Variants in CBFA2T3 observed in about 807,000 individuals in gnomAD.
CBFA2T3 encodes the protein CBFA2/RUNX1 partner transcriptional co-repressor 3, also known as transcriptional corepressor CBFA2T3.
A neutral mutation model predicts 58.6 loss-of-function variants in CBFA2T3; 31 were observed. The observed-to-expected ratio is 0.53, with a 90% confidence interval of 0.40 to 0.71. CBFA2T3 has a LOEUF of 0.71. CBFA2T3 is among the 30% of genes least tolerant of loss of function. The pLI is 0.00. For missense variants in CBFA2T3, 1,076 were observed against 963.1 expected (o/e 1.12, Z -1.55); for synonymous variants, 531 against 421.9 (o/e 1.26, Z -3.17).
At chr16:88,879,512 T>G in intron 10 of CBFA2T3, 52 bp from the exon 11 acceptor site, 1 of 1,542,398 alleles carries the variant, frequency 6.5e-7, no homozygotes, top group Non-Finnish European at 8.9e-7. Flanking sequence ...CCCAGATGGG[T>G]CTCTGGACTT....
Position 88,875,200 on chromosome 16 carries a change from C to A in CBFA2T3, c.*1776G>T, listed in dbSNP as rs149839258. ...CACCACGCACACAGATGCCAAGCCA[C>A]GGGCCACGCCACACGCACAGATGCC... On this transcript the variant is annotated 3_prime_UTR_variant, in exon 12 of 12. Transcript: ENST00000268679. The A allele has an allele frequency of 1.3e-5, 3 of 234,944 alleles. No homozygotes were observed. Among genetic ancestry groups the A allele is most frequent in the African/African-American group, 6.6e-5 (3 of 45,288 alleles). 14.6% of individuals were successfully genotyped at this position (234,944 alleles called of 1,614,324 possible).
intron 3 of CBFA2T3, among the ~76,000 whole-genome samples, chr16:88,894,941 T>A (rs1370849102): frequency 6.6e-6 from 1 of 152,140 alleles, no homozygotes; most frequent in Non-Finnish European, 1.5e-5. Context: ...GTTTCCTTCC[T>A]GTGCCCTGGA....
chr16:88,974,608 G>C (rs1197913431), intron 1 of CBFA2T3, among the ~76,000 whole-genome samples: 1 of 152,178 alleles, frequency 6.6e-6, no homozygotes, highest in African/African-American at 2.4e-5. Context: ...TTCTACTTCA[G>C]CTTTTAGAAA....
At chr16:88,915,766 G>A (rs569325823) in intron 1 of CBFA2T3, among the ~76,000 whole-genome samples, 4 of 150,108 alleles carry the variant, frequency 2.7e-5, no homozygotes, top group African/African-American at 7.4e-5. Context: ...TAAGGGGGAA[G>A]TGCAGAGAAC....
At chr16:88,963,697 CAT>C (rs1406141439) in intron 1 of CBFA2T3, among the ~76,000 whole-genome samples, 3 of 152,244 alleles carry the variant, frequency 2.0e-5, no homozygotes, top group Non-Finnish European at 2.9e-5. Flanking sequence ...CTGCAGTGCG[CAT>C]CAGGAATAGA....
intron 1 of CBFA2T3, among the ~76,000 whole-genome samples, chr16:88,905,386 G>A (rs944361717): frequency 3.3e-5 from 5 of 152,130 alleles, no homozygotes; most frequent in African/African-American, 1.2e-4. Flanking sequence ...CACTTCCCCA[G>A]GAGAGGCTGC....
intron 1 of CBFA2T3, among the ~76,000 whole-genome samples, chr16:88,924,712 A>G (rs1357079928): frequency 1.3e-5 from 2 of 152,222 alleles, no homozygotes; most frequent in African/African-American, 4.8e-5. Flanking sequence ...GCCCAGATGC[A>G]GATGGTCTCA....
intron 3 of CBFA2T3, among the ~76,000 whole-genome samples, chr16:88,897,365 GCCAGGCT>G (rs1271472717): frequency 3.3e-5 from 5 of 152,260 alleles, no homozygotes; most frequent in African/African-American, 9.6e-5. Context: ...GGGCCATGCT[GCCAGGCT>G]GGCTGGTAGT....
At chr16:88,907,983 T>C (rs1442431892) in intron 1 of CBFA2T3, among the ~76,000 whole-genome samples, 2 of 151,808 alleles carry the variant, frequency 1.3e-5, no homozygotes, top group African/African-American at 4.8e-5. Context: ...AGGGAGAGAG[T>C]GCCAGTTCCT....
At chr16:88,882,472 G>GGCTGTGTGCGTGGGC (rs1969141301) in intron 8 of CBFA2T3, among the ~76,000 whole-genome samples, 2 of 143,398 alleles carry the variant, frequency 1.4e-5, no homozygotes, top group African/African-American at 5.0e-5. Flanking sequence ...TGTGCGTGGG[G>GGCTGTGTGCGTGGGC]GTGGCTGTGT....
chr16:88,897,548 A>G (rs1465876714), intron 3 of CBFA2T3, among the ~76,000 whole-genome samples: 2 of 152,222 alleles, frequency 1.3e-5, no homozygotes, highest in Admixed American at 6.5e-5. Context: ...AGCTCTCAGC[A>G]TGTGCCCGGC....
chr16:88,898,804 C>T (rs1032409717), intron 2 of CBFA2T3, among the ~76,000 whole-genome samples: 1 of 152,172 alleles, frequency 6.6e-6, no homozygotes, highest in Admixed American at 6.5e-5. Context: ...GGGAGGATTG[C>T]TTGAGCCCAG....
At chr16:88,895,377 G>C (rs1319106833) in intron 3 of CBFA2T3, among the ~76,000 whole-genome samples, 1 of 152,116 alleles carries the variant, frequency 6.6e-6, no homozygotes, top group East Asian at 1.9e-4. Context: ...AAGTGCGCCC[G>C]GGTCAGGAAG....
chr16:88,893,888 G>C (rs946133910), intron 3 of CBFA2T3, among the ~76,000 whole-genome samples: 3 of 152,198 alleles, frequency 2.0e-5, no homozygotes, highest in African/African-American at 7.2e-5. Flanking sequence ...AGCCTGAGGG[G>C]CGGCCTCCAG....
rs774772837 is a variant in CBFA2T3 at position 88,881,305 on chromosome 16, T to C, written c.1388A>G (p.Glu463Gly). Reference protein sequence around the residue: ...ARPRSSSAGPEGPQLDVPREF... With the variant: ...ARPRSSSAGPGGPQLDVPREF... ...CCCACACGCACCTAGCTGAGGCCCT[T>C]CGGGACCGGCGGAGCTGCTGCGGGG... Residue 463 changes from glutamate (E) to glycine (G), a missense_variant, in exon 9 of 12, where the codon GAA (glutamate) becomes GGA (glycine). Transcript: ENST00000268679. 6.3e-7 allele frequency: 1 copy of C among 1,591,028 alleles called. No homozygotes were observed. Among genetic ancestry groups the C allele is most frequent in the East Asian group, 2.3e-5 (1 of 44,388 alleles).
Position 88,893,027 on chromosome 16 carries a change from G to A in CBFA2T3, c.380-542C>T, listed in dbSNP as rs557444090. On this transcript the variant is annotated intron_variant, in intron 3 of 11. Transcript: ENST00000268679. ...GCAAGGGGCTTCTCCACACGTCGGG[G>A]GCTTGATGGCTCACTTCCCACTTTC... 1.9e-3 allele frequency among the ~76,000 whole-genome samples: 296 copies of A among 152,238 alleles called. 1 individual carries two copies. Among genetic ancestry groups the A allele is most frequent in the African/African-American group, 6.4e-3 (266 of 41,530 alleles).
intron 1 of CBFA2T3, among the ~76,000 whole-genome samples, chr16:88,907,007 G>C (rs1014441221): frequency 2.6e-5 from 4 of 151,778 alleles, no homozygotes; most frequent in Non-Finnish European, 5.9e-5. Context: ...GGTAGCACCT[G>C]GGGTGGCCGG....
chr16:88,881,609 GAGA>G lies in CBFA2T3; in HGVS notation c.1204-123_1204-121del, dbSNP rs1567574495. The G allele has an allele frequency of 5.0e-6, 5 of 1,007,656 alleles. No individual in the cohort carries two copies. The African/African-American group carries it at 8.1e-5, about 16-fold the overall frequency. 62.4% of individuals were successfully genotyped at this position (1,007,656 alleles called of 1,614,324 possible). Reference sequence around the variant, plus strand: ...GGTGCCCGACCAGCCCACCGCCCGTGAGAGTAAGGGGGTGAGGGAGGGCCCACC... The same window carrying G: ...GGTGCCCGACCAGCCCACCGCCCGTGGTAAGGGGGTGAGGGAGGGCCCACC... On this transcript the variant is annotated intron_variant, in intron 8 of 11. Coordinates refer to ENST00000268679, the MANE Select transcript of CBFA2T3 (RefSeq NM_005187.6).
intron 1 of CBFA2T3, among the ~76,000 whole-genome samples, chr16:88,935,156 C>G (rs1309540289): frequency 6.6e-6 from 1 of 152,234 alleles, no homozygotes; most frequent in Admixed American, 6.5e-5. Flanking sequence ...CACTTGGGCA[C>G]AGCCACGGCC....
Sources: gnomAD v4.1 joint callset for allele counts (sites outside exome capture counted in the v4.1 genomes callset) on GRCh38, gnomAD v4.1.1 for gene constraint, MANE v1.5 for transcripts, NCBI Gene and HGNC (gene_info 2026-07-23, HGNC 2026-07-21) for gene names.